FAM124B: variants seen among roughly 807,000 people sequenced by gnomAD.
FAM124B encodes the protein protein FAM124B.
A neutral mutation model predicts 19.7 loss-of-function variants in FAM124B; 18 were observed. The observed-to-expected ratio is 0.92, with a 90% CI of 0.63 to 1.36. The LOEUF (loss-of-function observed/expected upper bound fraction) is 1.36, where lower values mean the gene tolerates loss of function less well. Among genes scored for constraint, FAM124B ranks in the 40% most tolerant of loss-of-function variants. The pLI is 0.00. For synonymous variants in FAM124B, 223 were observed against 225.2 expected (o/e 0.99, Z 0.09); for missense variants, 540 against 553.3 (o/e 0.98, Z 0.24).
At chr2:224,396,753 G>A (rs2106087789) in intron 1 of FAM124B, among the ~76,000 whole-genome samples, 1 of 152,330 alleles carries the variant, frequency 6.6e-6, no homozygotes, top group South Asian at 2.1e-4. Flanking sequence ...AAGAGAATCT[G>A]ATCCTAGTTG....
chr2:224,392,070 T>C (rs1255115363), intron 1 of FAM124B, among the ~76,000 whole-genome samples: 1 of 152,242 alleles, frequency 6.6e-6, no homozygotes, highest in Non-Finnish European at 1.5e-5. Context: ...TCTCTTCAAC[T>C]ATGTACCATA....
At chr2:224,381,647 C>T (rs1237190731) in intron 1 of FAM124B, among the ~76,000 whole-genome samples, 1 of 152,032 alleles carries the variant, frequency 6.6e-6, no homozygotes, top group Non-Finnish European at 1.5e-5. Flanking sequence ...ACAGAATGTA[C>T]GACACCAAGA....
At chr2:224,392,610 C>T (rs903659496) in intron 1 of FAM124B, among the ~76,000 whole-genome samples, 6 of 152,004 alleles carry the variant, frequency 3.9e-5, no homozygotes, top group Admixed American at 3.3e-4. Flanking sequence ...CAAAAATTAG[C>T]CGGGCATGAT....
At chr2:224,388,939 T>A (rs1689839916) in intron 1 of FAM124B, among the ~76,000 whole-genome samples, 2 of 152,050 alleles carry the variant, frequency 1.3e-5, no homozygotes, top group South Asian at 2.1e-4. Flanking sequence ...GATTCTTTTT[T>A]TTATTATTTT....
rs750129946 is a variant in FAM124B at position 224,401,582 on chromosome 2, G to A, written c.187C>T (p.Arg63Trp). Reference sequence around the variant, plus strand: ...AGCAACACGGACATCCCTGGAAACCGGGACCGCTTGGAATGGGACTTTTCA... The same window carrying A: ...AGCAACACGGACATCCCTGGAAACCAGGACCGCTTGGAATGGGACTTTTCA... Reference protein sequence around the residue: ...YCEKSHSKRSRFPGMSVLLFL... With the variant: ...YCEKSHSKRSWFPGMSVLLFL... Residue 63 changes from arginine to tryptophan, a missense_variant, in exon 1 of 2, where the codon CGG becomes TGG. Transcript: ENST00000409685. 1.2e-5 allele frequency: 20 copies of A among 1,614,016 alleles called. No homozygotes were observed. The highest frequency in any genetic ancestry group is 1.6e-4 in the Middle Eastern group (1 of 6,084).
intron 1 of FAM124B, among the ~76,000 whole-genome samples, chr2:224,386,441 C>T (rs1031363115): frequency 1.3e-5 from 2 of 151,398 alleles, no homozygotes; most frequent in African/African-American, 4.9e-5. Context: ...TTTTAGACCA[C>T]TTACTTAATA....
intron 1 of FAM124B, among the ~76,000 whole-genome samples, chr2:224,390,578 A>C (rs1689864937): frequency 1.3e-5 from 2 of 152,252 alleles, no homozygotes; most frequent in East Asian, 3.9e-4. Flanking sequence ...CAAGGCCCAC[A>C]GAGAAGGGAA....
chr2:224,397,943 A>G (rs1168137030), intron 1 of FAM124B, among the ~76,000 whole-genome samples: 2 of 152,210 alleles, frequency 1.3e-5, no homozygotes, highest in Non-Finnish European at 2.9e-5. Flanking sequence ...AGTTTTCTGC[A>G]CAAGCTCTCT....
At position 224,401,422 on chromosome 2, in the gene FAM124B, A is replaced by G. The variant is rs201191737; in HGVS notation, c.347T>C (p.Phe116Ser). 62 of 1,614,038 alleles carry G rather than the reference A, an allele frequency of 3.8e-5. No homozygotes were observed. In the East Asian group the frequency reaches 1.3e-3, roughly 33 times the overall value. The change falls in exon 1 of 2, where the codon TTC becomes TCC. Residue 116 changes from phenylalanine to serine, a missense_variant. Coordinates refer to ENST00000409685, the MANE Select transcript of FAM124B (RefSeq NM_001122779.2). ...LCPYFFANQE[F>S]YSLDSQLPIW... Reference sequence around the variant, plus strand: ...GGGCAGCTGACTGTCCAGGCTGTAGAACTCCTGATTGGCAAAAAAGTAGGG... The same window carrying G: ...GGGCAGCTGACTGTCCAGGCTGTAGGACTCCTGATTGGCAAAAAAGTAGGG...
At chr2:224,398,332 A>T (rs992449670) in intron 1 of FAM124B, among the ~76,000 whole-genome samples, 1 of 152,104 alleles carries the variant, frequency 6.6e-6, no homozygotes, top group African/African-American at 2.4e-5. Context: ...TCCTGGCCTC[A>T]AGTGATCCAC....
chr2:224,396,130 C>G (rs576851006), intron 1 of FAM124B, among the ~76,000 whole-genome samples: 1 of 152,166 alleles, frequency 6.6e-6, no homozygotes, highest in African/African-American at 2.4e-5. Flanking sequence ...AAAGTCCCCC[C>G]GCTCTTGGTA....
Position 224,400,932 on chromosome 2 carries a change from C to T in FAM124B, c.732+105G>A, listed in dbSNP as rs371340691. 2.9e-5 allele frequency: 41 copies of T among 1,406,262 alleles called. No homozygotes were observed. In the African/African-American group the frequency reaches 3.3e-4, roughly 11 times the overall value. 87.1% of individuals were successfully genotyped at this position (1,406,262 alleles called of 1,614,324 possible). On this transcript the variant is annotated intron_variant, in intron 1 of 1. Coordinates refer to ENST00000409685, the MANE Select transcript of FAM124B (RefSeq NM_001122779.2). ...GGAATTTATGAAAGACCCTAAGGGACGCTAATATGCAACCAAGTCTGAGAA... is the reference window on the plus strand; with the variant it reads ...GGAATTTATGAAAGACCCTAAGGGATGCTAATATGCAACCAAGTCTGAGAA...
intron 1 of FAM124B, among the ~76,000 whole-genome samples, chr2:224,381,919 G>C (rs1343935559): frequency 6.6e-6 from 1 of 152,170 alleles, no homozygotes; most frequent in African/African-American, 2.4e-5. Flanking sequence ...AGGCAGAAAT[G>C]AGGACAGTGA....
intron 1 of FAM124B, among the ~76,000 whole-genome samples, chr2:224,396,935 C>A (rs972834756): frequency 1.3e-5 from 2 of 152,226 alleles, no homozygotes; most frequent in Non-Finnish European, 2.9e-5. Context: ...GGATCCTGAG[C>A]ACACTGTGTA....
At chr2:224,380,784 A>C (rs1309531139) in intron 1 of FAM124B, among the ~76,000 whole-genome samples, 3 of 152,202 alleles carry the variant, frequency 2.0e-5, no homozygotes, top group Non-Finnish European at 2.9e-5. Flanking sequence ...GGCACCATTT[A>C]TTTAGATTAG....
chr2:224,388,162 GA>G (rs1689827743), intron 1 of FAM124B, among the ~76,000 whole-genome samples: 1 of 152,180 alleles, frequency 6.6e-6, no homozygotes, highest in Non-Finnish European at 1.5e-5. Flanking sequence ...ACAAGAACGG[GA>G]AAATATATAA....
chr2:224,390,946 A>G (rs1331839022), intron 1 of FAM124B, among the ~76,000 whole-genome samples: 1 of 150,408 alleles, frequency 6.6e-6, no homozygotes, highest in Non-Finnish European at 1.5e-5. Flanking sequence ...CTCGTGATCC[A>G]CCCACCTCGG....
rs1689666765 is a variant in FAM124B, at chr2:224,378,851, T to C, written c.*722A>G. ...AGTCCAATTTTCCCACTGTGCTCAA[T>C]GTTCCTCTTTGGTTTGTAACAAGAA... On this transcript the variant is annotated 3_prime_UTR_variant, in exon 2 of 2. Transcript: ENST00000409685. 6.6e-6 allele frequency: 1 copy of C among 152,250 alleles called. No individual in the cohort carries two copies. The highest frequency in any genetic ancestry group is 1.5e-5 in the Non-Finnish European group (1 of 68,058). 9.4% of individuals were successfully genotyped at this position (152,250 alleles called of 1,614,324 possible). A position where few individuals can be genotyped will look rare whatever the true frequency, so the allele number is the denominator to read the frequency against.
chr2:224,390,224 A>T (rs1377504271), intron 1 of FAM124B, among the ~76,000 whole-genome samples: 6 of 151,924 alleles, frequency 3.9e-5, no homozygotes, highest in African/African-American at 1.5e-4. Flanking sequence ...CGGCCCACAG[A>T]GGAGAGGATT....
Sources: gnomAD v4.1 joint callset for allele counts (sites outside exome capture counted in the v4.1 genomes callset) on GRCh38, gnomAD v4.1.1 for gene constraint, MANE v1.5 for transcripts, NCBI Gene and HGNC (gene_info 2026-07-23, HGNC 2026-07-21) for gene names.